The following DENND1A variants were observed in gnomAD, a reference collection of about 807,000 sequenced individuals.
DENND1A encodes DENN domain containing 1A, also known as DENN domain-containing protein 1A.
In DENND1A, 51 loss-of-function variants were observed where a neutral mutation model predicts 113.7. The observed-to-expected ratio is 0.45, with a 90% CI of 0.36 to 0.57. The LOEUF (loss-of-function observed/expected upper bound fraction) is 0.57. DENND1A is among the 20% of genes least tolerant of loss of function. DENND1A has a pLI of 0.00. For synonymous variants in DENND1A, 565 were observed against 570.8 expected (o/e 0.99, Z 0.14); for missense variants, 1,258 against 1,395.9 (o/e 0.90, Z 1.57).
intron 7 of DENND1A, among the ~76,000 whole-genome samples, chr9:123,670,946 T>C (rs760238004): frequency 1.3e-5 from 2 of 152,098 alleles, no homozygotes; most frequent in Non-Finnish European, 2.9e-5. Context: ...ACAGCAGTGC[T>C]GGGGGACGAG....
chr9:123,708,457 A>C (rs1211621777), intron 5 of DENND1A, among the ~76,000 whole-genome samples: 2 of 152,130 alleles, frequency 1.3e-5, no homozygotes, highest in Non-Finnish European at 2.9e-5. Context: ...TTGCTTGCAC[A>C]ATATTTTTGG....
intron 1 of DENND1A, among the ~76,000 whole-genome samples, chr9:123,913,899 CAAA>C (rs539054836): frequency 1.9e-4 from 21 of 108,136 alleles, no homozygotes; most frequent in Non-Finnish European, 1.6e-4. Context: ...ACTCCTATCT[CAAA>C]AAAAAAAAAA....
intron 12 of DENND1A, among the ~76,000 whole-genome samples, chr9:123,562,156 AG>A (rs1190957264): frequency 3.3e-5 from 5 of 152,280 alleles, no homozygotes; most frequent in African/African-American, 9.6e-5. Context: ...CATCACCTTC[AG>A]AAAAACATCC....
At position 123,381,322 on chromosome 9, in the gene DENND1A, C is replaced by G; in HGVS notation, c.*110G>C. 1 of 1,102,942 alleles carries G rather than the reference C, an allele frequency of 9.1e-7. No individual in the cohort carries two copies. Among genetic ancestry groups the G allele is most frequent in the Non-Finnish European group, 1.3e-6 (1 of 762,180 alleles). 68.3% of individuals were successfully genotyped at this position (1,102,942 alleles called of 1,614,324 possible). On this transcript the variant is annotated 3_prime_UTR_variant, in exon 24 of 24. Transcript: ENST00000394215. The surrounding 1 kb of genome is among the most constrained non-coding windows in gnomAD (Gnocchi z 4.7). ...GGGGGCAGCAGAGAGGGGTCCCATCCCTTCCCACCAGCAGAACCTGGGCAG... is the reference window on the plus strand; with the variant it reads ...GGGGGCAGCAGAGAGGGGTCCCATCGCTTCCCACCAGCAGAACCTGGGCAG...
intron 20 of DENND1A, among the ~76,000 whole-genome samples, chr9:123,406,950 T>C (rs1054907667): frequency 2.6e-5 from 4 of 151,776 alleles, no homozygotes; most frequent in Non-Finnish European, 4.4e-5. Flanking sequence ...GTGGCTGAAA[T>C]GGGGGGATTA....
intron 13 of DENND1A, among the ~76,000 whole-genome samples, chr9:123,540,027 T>A (rs1010142430): frequency 3.3e-5 from 5 of 152,232 alleles, no homozygotes; most frequent in Admixed American, 1.3e-4. Flanking sequence ...CAACACTTCT[T>A]TGTAAACAGT....
intron 13 of DENND1A, among the ~76,000 whole-genome samples, chr9:123,557,080 C>G (rs1396766098): frequency 6.6e-6 from 1 of 152,236 alleles, no homozygotes; most frequent in Non-Finnish European, 1.5e-5. Flanking sequence ...CCAGGAGGCT[C>G]TGCTTTCTCA....
At chr9:123,731,084 A>G (rs1333837864) in intron 5 of DENND1A, among the ~76,000 whole-genome samples, 1 of 152,102 alleles carries the variant, frequency 6.6e-6, no homozygotes, top group Non-Finnish European at 1.5e-5. Context: ...GGAGGGGAAC[A>G]TCACACACCG....
At chr9:123,729,794 T>C (rs1468812538) in intron 5 of DENND1A, among the ~76,000 whole-genome samples, 1 of 152,220 alleles carries the variant, frequency 6.6e-6, no homozygotes, top group Non-Finnish European at 1.5e-5. Flanking sequence ...AGAGCCTGCA[T>C]AGCCAAGACA....
intron 5 of DENND1A, among the ~76,000 whole-genome samples, chr9:123,728,469 C>T (rs71511581): frequency 1.3e-5 from 1 of 76,126 alleles, no homozygotes. Context: ...AATTGCAAAA[C>T]TCTGTCTCCC....
chr9:123,872,338 G>T (rs1846767466), intron 2 of DENND1A, among the ~76,000 whole-genome samples: 1 of 152,100 alleles, frequency 6.6e-6, no homozygotes, highest in Non-Finnish European at 1.5e-5. Context: ...ACAACCTGAA[G>T]ATTCCGTTAT....
At chr9:123,386,052 G>A (rs1003845838) in intron 22 of DENND1A, among the ~76,000 whole-genome samples, 1 of 152,136 alleles carries the variant, frequency 6.6e-6, no homozygotes, top group Non-Finnish European at 1.5e-5. Flanking sequence ...TAATTAAGGC[G>A]CCAGTTAGTT....
At chr9:123,782,592 G>A (rs1356362964) in intron 3 of DENND1A, among the ~76,000 whole-genome samples, 1 of 152,140 alleles carries the variant, frequency 6.6e-6, no homozygotes. Flanking sequence ...GAAAGGGAGA[G>A]GACAGGTAAA....
intron 1 of DENND1A, among the ~76,000 whole-genome samples, chr9:123,914,670 T>C (rs1199093594): frequency 6.6e-6 from 1 of 151,946 alleles, no homozygotes; most frequent in Non-Finnish European, 1.5e-5. Context: ...TCAGGAAGTT[T>C]ACAATCATGG....
chr9:123,517,707 A>G (rs1404811694), intron 13 of DENND1A, among the ~76,000 whole-genome samples: 1 of 152,190 alleles, frequency 6.6e-6, no homozygotes, highest in East Asian at 1.9e-4. Flanking sequence ...AGTGAGGCAA[A>G]TTCAAGCAGA....
chr9:123,465,191 A>T (rs2048842647), intron 13 of DENND1A, among the ~76,000 whole-genome samples: 2 of 149,682 alleles, frequency 1.3e-5, no homozygotes, highest in Admixed American at 1.3e-4. Context: ...AAAAAAAAGA[A>T]AAAAAAAACA....
chr9:123,522,308 A>C (rs62579194), intron 13 of DENND1A, among the ~76,000 whole-genome samples: 1 of 152,168 alleles, frequency 6.6e-6, no homozygotes, highest in African/African-American at 2.4e-5. Context: ...ATGTCACAGG[A>C]GCAAGGGAGC....
chr9:123,877,543 G>A (rs1412121162), intron 2 of DENND1A, among the ~76,000 whole-genome samples: 4 of 151,444 alleles, frequency 2.6e-5, no homozygotes, highest in Non-Finnish European at 5.9e-5. Flanking sequence ...AAAAAAACAG[G>A]CCGGGCATGG....
intron 8 of DENND1A, among the ~76,000 whole-genome samples, chr9:123,655,500 A>G (rs994868119): frequency 6.6e-6 from 1 of 152,214 alleles, no homozygotes; most frequent in African/African-American, 2.4e-5. Flanking sequence ...CCCGCAGAAA[A>G]AGAACTGCCA....
Sources: allele counts gnomAD v4.1 joint callset (sites outside exome capture counted in the v4.1 genomes callset), GRCh38; gene constraint gnomAD v4.1.1; non-coding constraint Gnocchi (gnomAD v3.1); transcripts MANE v1.5; gene names NCBI Gene and HGNC (gene_info 2026-07-23, HGNC 2026-07-21).